The following CCDC30 variants were observed in gnomAD, a reference collection of about 807,000 sequenced individuals.
The protein encoded by CCDC30 is coiled-coil domain-containing protein 30.
Under a neutral mutation model 100.2 loss-of-function variants are expected in CCDC30, and 70 were observed. The ratio of observed to expected loss-of-function variants is 0.70; its 90% CI spans 0.58 to 0.85. CCDC30 has a LOEUF of 0.85. Ranked by LOEUF, CCDC30 falls within the 40% of genes least tolerant of loss-of-function variation. The probability of loss-of-function intolerance (pLI) is 0.00; values close to 1 mark genes in which losing one functional copy is unlikely to be tolerated. For synonymous variants in CCDC30, 233 were observed against 269.5 expected, an observed-to-expected ratio of 0.86 and a Z score of 1.33; for missense variants, 652 against 771.2, an observed-to-expected ratio of 0.85 and a Z score of 1.83.
At chr1:42,654,862 G>A (rs906838914), downstream of CCDC30, among the ~76,000 whole-genome samples, 59 of 151,144 alleles carry the variant, frequency 3.9e-4, no homozygotes, top group Admixed American at 1.7e-3. Flanking sequence ...ATAGGTGCCC[G>A]CCACCATGCC....
At chr1:42,519,354 AG>A (rs1396715991) in intron 6 of CCDC30, among the ~76,000 whole-genome samples, 1 of 152,164 alleles carries the variant, frequency 6.6e-6, no homozygotes, top group East Asian at 1.9e-4. Flanking sequence ...ATTGGGAAAA[AG>A]GATATTAGTT....
chr1:42,471,198 G>T (rs1039164604), intron 1 of CCDC30, among the ~76,000 whole-genome samples: 2 of 152,106 alleles, frequency 1.3e-5, no homozygotes, highest in African/African-American at 4.8e-5. Flanking sequence ...CCTGAAGCCT[G>T]TACCGTCCTA....
chr1:42,577,142 TA>T lies in CCDC30; in HGVS notation c.762del (p.Lys254AsnfsTer37), dbSNP rs1557868272. 6.2e-7 allele frequency: 1 copy of T among 1,614,076 alleles called. No homozygotes were observed. Among genetic ancestry groups the T allele is most frequent in the Admixed American group, 1.7e-5 (1 of 60,024 alleles). On this transcript the variant is annotated frameshift_variant, in exon 8 of 17. Coordinates refer to ENST00000668663, the Ensembl canonical transcript of CCDC30. LOFTEE classifies it high-confidence loss of function. ...TCAAGGAACTGGAGTTGGAAGTACT[TA>T]AACACACTCAGAGCATTAAATCACA...
intron 1 of CCDC30, among the ~76,000 whole-genome samples, chr1:42,469,872 A>G (rs1016545988): frequency 6.6e-6 from 1 of 152,196 alleles, no homozygotes; most frequent in Non-Finnish European, 1.5e-5. Flanking sequence ...AAAGTTTTGA[A>G]TAGTTGCTGA....
upstream of CCDC30, chr1:42,459,459 TA>T: frequency 1.3e-6 from 1 of 760,984 alleles, no homozygotes. Flanking sequence ...TGTGTTCCCC[TA>T]AGACTTTTTA....
At chr1:42,642,527 A>G in exon 13 of CCDC30, 1 of 1,601,690 alleles carries the variant, frequency 6.2e-7, no homozygotes, top group Non-Finnish European at 8.5e-7. Context: ...GCTTCTAGAA[A>G]AAAGGAAACT....
intron 6 of CCDC30, among the ~76,000 whole-genome samples, chr1:42,522,828 C>A (rs1056240932): frequency 6.6e-6 from 1 of 152,112 alleles, no homozygotes; most frequent in African/African-American, 2.4e-5. Flanking sequence ...TTTCTTAAAT[C>A]ATGTAGACAA....
At chr1:42,532,554 T>C (rs1433307883) in intron 6 of CCDC30, among the ~76,000 whole-genome samples, 1 of 152,232 alleles carries the variant, frequency 6.6e-6, no homozygotes, top group Middle Eastern at 3.2e-3. Flanking sequence ...GCATCTATCA[T>C]GTGTCATGAT....
intron 6 of CCDC30, among the ~76,000 whole-genome samples, chr1:42,515,418 G>A (rs1197829980): frequency 6.6e-6 from 1 of 152,200 alleles, no homozygotes; most frequent in Admixed American, 6.5e-5. Context: ...ACAGTATTAA[G>A]AGATGTGGCC....
intron 2 of CCDC30, among the ~76,000 whole-genome samples, chr1:42,481,908 C>A (rs906653019): frequency 1.4e-4 from 21 of 152,204 alleles, no homozygotes; most frequent in African/African-American, 4.1e-4. Context: ...TGCTGGAACA[C>A]AGTACAGCCT....
intron 1 of CCDC30, among the ~76,000 whole-genome samples, chr1:42,466,050 A>G (rs1176646778): frequency 6.6e-6 from 1 of 152,238 alleles, no homozygotes; most frequent in African/African-American, 2.4e-5. Context: ...TTATTTGGGA[A>G]TTGAAAAACT....
At chr1:42,632,695 G>T (rs1373124707) in intron 11 of CCDC30, among the ~76,000 whole-genome samples, 2 of 151,722 alleles carry the variant, frequency 1.3e-5, no homozygotes, top group African/African-American at 4.8e-5. Flanking sequence ...GGGAGGCGGA[G>T]GTTGCAGTGA....
In CCDC30 at chr1:42,545,312, C is replaced by T. The variant is rs1380738875; in HGVS notation, c.457-20984C>T. ...AGGATGTCATTTTATATTATATAAG[C>T]CAATAGTTAAGCATTTAATGAAATC... On this transcript the variant is annotated intron_variant, in intron 6 of 16. Coordinates refer to ENST00000668663, the Ensembl canonical transcript of CCDC30. The T allele has an allele frequency of 7.7e-6, 7 of 912,728 alleles. No individual in the cohort carries two copies. In the East Asian group the frequency reaches 2.0e-4, roughly 26 times the overall value. 56.5% of individuals were successfully genotyped at this position (912,728 alleles called of 1,614,324 possible). A position where few individuals can be genotyped will look rare whatever the true frequency, so the allele number is the denominator to read the frequency against.
At chr1:42,467,927 C>G (rs1330131138) in intron 1 of CCDC30, 1 of 152,228 alleles carries the variant, frequency 6.6e-6, no homozygotes, top group Non-Finnish European at 1.5e-5. Context: ...TCTTTTCAGC[C>G]TTGCTGATGA....
In CCDC30 at chr1:42,506,224, C is replaced by G. The variant is rs551058458; in HGVS notation, c.456+7308C>G. Reference sequence around the variant, plus strand: ...AGTTAAAAAAGATTATGTCAGACTTCTTTTAGTGTAGTTCATGCAGTTATC... The same window carrying G: ...AGTTAAAAAAGATTATGTCAGACTTGTTTTAGTGTAGTTCATGCAGTTATC... On this transcript the variant is annotated intron_variant, in intron 6 of 16. Transcript: ENST00000668663. Among the ~76,000 whole-genome samples, 29 of 152,314 alleles carry G rather than the reference C, an allele frequency of 1.9e-4. No individual in the cohort carries two copies. The South Asian group carries it at 3.9e-3, about 21-fold the overall frequency.
At chr1:42,650,537 G>GTGTGTGTGTA (rs1236320724) in intron 15 of CCDC30, among the ~76,000 whole-genome samples, 1 of 148,462 alleles carries the variant, frequency 6.7e-6, no homozygotes, top group African/African-American at 2.5e-5. Context: ...GTGTGTGTGT[G>GTGTGTGTGTA]TGTATAACAG....
At chr1:42,560,863 G>T (rs879809371) in intron 6 of CCDC30, among the ~76,000 whole-genome samples, 2 of 152,106 alleles carry the variant, frequency 1.3e-5, no homozygotes, top group African/African-American at 4.8e-5. Flanking sequence ...TAGAAGAAAT[G>T]GATAAATTCC....
the CCDC30 span, chr1:42,456,357 G>A: frequency 1.1e-5 from 7 of 638,494 alleles, no homozygotes; most frequent in Admixed American, 1.3e-4. Context: ...CCACCCAGCC[G>A]GGGATCCCCC....
chr1:42,467,023 AG>A (rs1348476121), intron 1 of CCDC30, among the ~76,000 whole-genome samples: 1 of 152,230 alleles, frequency 6.6e-6, no homozygotes, highest in Admixed American at 6.5e-5. Context: ...GGGATCTCAT[AG>A]CACCATTCCA....
Sources: allele counts gnomAD v4.1 joint callset (sites outside exome capture counted in the v4.1 genomes callset), GRCh38; gene constraint gnomAD v4.1.1; transcripts MANE v1.5; gene names NCBI Gene and HGNC (gene_info 2026-07-23, HGNC 2026-07-21).